Variants in ESR1 observed in about 807,000 individuals in gnomAD.
The protein encoded by ESR1 is estrogen receptor.
A neutral mutation model predicts 52.7 loss-of-function variants in ESR1; 12 were observed. That is an observed-to-expected ratio of 0.23 (90% CI 0.15 to 0.37). The LOEUF (loss-of-function observed/expected upper bound fraction) is 0.37. Ranked by LOEUF, ESR1 falls within the 10% of genes least tolerant of loss-of-function variation. The pLI, the probability that ESR1 is intolerant of heterozygous loss-of-function variation, is 1.00. For missense variants in ESR1, 584 were observed against 779.7 expected (o/e 0.75, Z 2.99); for synonymous variants, 305 against 316.8 (o/e 0.96, Z 0.39).
intron 6 of ESR1, among the ~76,000 whole-genome samples, chr6:152,110,536 G>A (rs1205626621): frequency 2.0e-5 from 3 of 151,966 alleles, no homozygotes; most frequent in African/African-American, 7.3e-5. Flanking sequence ...GGGGGTGGAG[G>A]GTGGAAGGAG....
intron 5 of ESR1, among the ~76,000 whole-genome samples, chr6:152,025,028 T>C (rs1366614231): frequency 6.9e-6 from 1 of 145,404 alleles, no homozygotes; most frequent in Non-Finnish European, 1.5e-5. Context: ...CTAAAAATAG[T>C]AGCAGTCATA....
intron 4 of ESR1, among the ~76,000 whole-genome samples, chr6:151,972,128 C>T (rs1005247376): frequency 5.9e-5 from 9 of 151,912 alleles, no homozygotes; most frequent in East Asian, 1.9e-4. Flanking sequence ...CTAAACAGAC[C>T]AATAGCAAGC....
upstream of ESR1, among the ~76,000 whole-genome samples, chr6:151,689,357 A>G (rs1056144225): frequency 6.6e-6 from 1 of 152,254 alleles, no homozygotes; most frequent in African/African-American, 2.4e-5. Context: ...GTTAGTATAC[A>G]TGATTATTCC....
At chr6:151,898,384 ATT>A (rs371510396) in intron 3 of ESR1, among the ~76,000 whole-genome samples, 1,160 of 101,224 alleles carry the variant, frequency 0.011, 17 homozygotes, top group African/African-American at 0.038. Flanking sequence ...GGTTTTGTTC[ATT>A]TTTTTTTTTT....
chr6:151,985,939 G>T (rs962478877), intron 4 of ESR1, among the ~76,000 whole-genome samples: 24 of 152,268 alleles, frequency 1.6e-4, no homozygotes, highest in African/African-American at 5.5e-4. Flanking sequence ...AAAGTGCTGG[G>T]ATTACAGGTG....
chr6:152,012,055 C>G (rs1562668359), intron 5 of ESR1, among the ~76,000 whole-genome samples: 1 of 139,062 alleles, frequency 7.2e-6, no homozygotes, highest in Non-Finnish European at 1.5e-5. Context: ...CACTCACACT[C>G]TCTCTCTCTC....
chr6:152,036,189 G>A (rs1286838953), intron 5 of ESR1, among the ~76,000 whole-genome samples: 3 of 152,074 alleles, frequency 2.0e-5, no homozygotes, highest in African/African-American at 7.2e-5. Context: ...GCAAAACCTC[G>A]TCTCTACTAA....
chr6:151,853,191 AAAAAAAAG>A (rs1787169655), intron 2 of ESR1, among the ~76,000 whole-genome samples: 3 of 147,844 alleles, frequency 2.0e-5, no homozygotes, highest in African/African-American at 7.7e-5. Context: ...AAAAAAAAAA[AAAAAAAAG>A]AGAAAGAAAG....
downstream of ESR1, among the ~76,000 whole-genome samples, chr6:152,104,162 A>G (rs2152511964): frequency 6.6e-6 from 1 of 152,176 alleles, no homozygotes; most frequent in South Asian, 2.1e-4. Flanking sequence ...CCCTCTCCAG[A>G]GTCTTCCGAA....
intron 1 of ESR1, among the ~76,000 whole-genome samples, chr6:151,675,507 C>T (rs963176566): frequency 3.3e-5 from 5 of 151,776 alleles, no homozygotes; most frequent in African/African-American, 9.7e-5. Flanking sequence ...TCCTCCCCAC[C>T]GTCTGTTACT....
At chr6:152,119,351 C>T (rs370760166) in intron 6 of ESR1, among the ~76,000 whole-genome samples, 75 of 151,676 alleles carry the variant, frequency 4.9e-4, no homozygotes, top group African/African-American at 1.6e-3. Flanking sequence ...GTCCATTTTC[C>T]AGGAGGGACA....
intron 4 of ESR1, among the ~76,000 whole-genome samples, chr6:151,955,705 C>G (rs557648595): frequency 5.3e-4 from 80 of 152,178 alleles, no homozygotes; most frequent in African/African-American, 1.9e-3. Flanking sequence ...CTCCTGTGTG[C>G]TAGGAACTGT....
At chr6:151,881,624 G>A (rs563237657) in intron 3 of ESR1, among the ~76,000 whole-genome samples, 1 of 152,214 alleles carries the variant, frequency 6.6e-6, no homozygotes, top group South Asian at 2.1e-4. Context: ...TAGAAAATGT[G>A]TAATTAAAAT....
intron 1 of ESR1, among the ~76,000 whole-genome samples, chr6:151,677,876 A>G (rs1778305830): frequency 2.6e-5 from 4 of 152,214 alleles, no homozygotes; most frequent in Admixed American, 2.0e-4. Flanking sequence ...CAAATGCTGA[A>G]ACTGCTTCTC....
At chr6:152,096,835 T>C (rs1161738289) in intron 7 of ESR1, 1 of 331,182 alleles carries the variant, frequency 3.0e-6, no homozygotes, top group Admixed American at 3.4e-5. Context: ...AGAATAACCT[T>C]ACCCTGGAGG....
At chr6:151,672,011 T>A (rs114465582) in intron 1 of ESR1, among the ~76,000 whole-genome samples, 1,748 of 152,226 alleles carry the variant, frequency 0.011, 35 homozygotes, top group African/African-American at 0.039. Flanking sequence ...TTAATTTTTA[T>A]AAATAAAGAC....
intron 5 of ESR1, among the ~76,000 whole-genome samples, chr6:152,030,729 C>T (rs1404820358): frequency 2.0e-5 from 3 of 152,038 alleles, no homozygotes; most frequent in Admixed American, 1.3e-4. Flanking sequence ...GACAGATCAA[C>T]GAGACAGAAA....
intron 3 of ESR1, among the ~76,000 whole-genome samples, chr6:151,899,552 G>T (rs1468061575): frequency 1.4e-5 from 2 of 147,826 alleles, no homozygotes; most frequent in Non-Finnish European, 3.0e-5. Flanking sequence ...CCTCCCGGAC[G>T]GGGCGGCTGG....
chr6:151,769,686 A>G (rs890437986), intron 2 of ESR1, among the ~76,000 whole-genome samples: 2 of 152,182 alleles, frequency 1.3e-5, no homozygotes, highest in African/African-American at 4.8e-5. Context: ...GGGATATACT[A>G]AGTTTGAGGT....
Sources: gnomAD v4.1 joint callset for allele counts (sites outside exome capture counted in the v4.1 genomes callset) on GRCh38, gnomAD v4.1.1 for gene constraint, MANE v1.5 for transcripts, NCBI Gene and HGNC (gene_info 2026-07-23, HGNC 2026-07-21) for gene names.